MET: variants seen among roughly 807,000 people sequenced by gnomAD.
MET encodes the protein MET proto-oncogene, receptor tyrosine kinase.
A neutral mutation model predicts 133.1 loss-of-function variants in MET; 48 were observed. That is an observed-to-expected ratio of 0.36 (90% CI 0.29 to 0.46). MET has a LOEUF of 0.46. Among genes scored for constraint, MET ranks in the 20% least tolerant of loss-of-function variants. MET has a pLI of 1.00. For synonymous variants in MET, 628 were observed against 616.5 expected (o/e 1.02, Z -0.28); for missense variants, 1,442 against 1,695.9 (o/e 0.85, Z 2.63).
At position 116,672,204 on chromosome 7, in the gene MET, G is replaced by A. The variant is rs1795997093; in HGVS notation, c.-388G>A. Among the ~76,000 whole-genome samples, 1 of 151,940 alleles carries A rather than the reference G, an allele frequency of 6.6e-6. No individual in the cohort carries two copies. On this transcript the variant is annotated 5_prime_UTR_variant, in exon 1 of 21. Transcript: ENST00000397752. ...CAGCACGCGAGGCAGACAGACACGTGCTGGGGCGGGCAGGCGAGCGCCTCA... is the reference window on the plus strand; with the variant it reads ...CAGCACGCGAGGCAGACAGACACGTACTGGGGCGGGCAGGCGAGCGCCTCA...
chr7:116,698,978 C>T, intron 1 of MET, 93 bp from the exon 2 acceptor site: 1 of 1,568,968 alleles, frequency 6.4e-7, no homozygotes, highest in Non-Finnish European at 8.7e-7. Flanking sequence ...AGTTGGGAAG[C>T]TTTATTTCTG....
intron 2 of MET, among the ~76,000 whole-genome samples, chr7:116,716,506 A>C (rs993256566): frequency 1.3e-5 from 2 of 151,440 alleles, no homozygotes; most frequent in East Asian, 3.9e-4. Context: ...AGAAAGAAAG[A>C]AAGAAAGAAA....
intron 12 of MET, 106 bp from the exon 13 acceptor site, chr7:116,771,392 G>A (rs1794825734): frequency 1.6e-6 from 2 of 1,285,850 alleles, no homozygotes; most frequent in African/African-American, 1.5e-5. Flanking sequence ...GCCATTTGTA[G>A]AATGGTAATA....
At chr7:116,777,863 A>G (rs1385533983) in intron 16 of MET, among the ~76,000 whole-genome samples, 1 of 152,234 alleles carries the variant, frequency 6.6e-6, no homozygotes, top group African/African-American at 2.4e-5. Flanking sequence ...CACAACTTCC[A>G]TTAAAAAGAT....
intron 2 of MET, among the ~76,000 whole-genome samples, chr7:116,705,188 C>T (rs563055217): frequency 4.8e-4 from 73 of 152,110 alleles, no homozygotes; most frequent in African/African-American, 1.7e-3. Context: ...TGAGTAAAAT[C>T]GAGTTACATT....
Position 116,710,713 on chromosome 7 carries a change from A to C in MET, c.1200+10429A>C, listed in dbSNP as rs1476250568. 2.6e-5 allele frequency among the ~76,000 whole-genome samples: 4 copies of C among 151,978 alleles called. No homozygotes were observed. In the South Asian group the frequency reaches 6.2e-4, roughly 24 times the overall value. Reference sequence around the variant, plus strand: ...AGAAAGTTTTCTTATTAAAAAAAAAACCCTCCAAATTATTGTGAGATCTAG... The same window carrying C: ...AGAAAGTTTTCTTATTAAAAAAAAACCCCTCCAAATTATTGTGAGATCTAG... On this transcript the variant is annotated intron_variant, in intron 2 of 20. Transcript: ENST00000397752.
intron 2 of MET, among the ~76,000 whole-genome samples, chr7:116,719,320 G>A (rs1352212645): frequency 3.1e-4 from 47 of 149,836 alleles, no homozygotes; most frequent in Middle Eastern, 3.4e-3. Flanking sequence ...CATATCCTTC[G>A]CCCACTTTTT....
At position 116,740,076 on chromosome 7, in the gene MET, G is replaced by A. The variant is rs1793386405; in HGVS notation, c.1519G>A (p.Gly507Arg). The change falls in exon 4 of 21, where the codon GGG becomes AGG. Residue 507 changes from glycine (G) to arginine (R), a missense_variant. Physicochemically the swap from Gly to Arg is moderately radical, Grantham distance 125. Transcript: ENST00000397752. ...AAATGGCTACACACTGGTTATCACT[G>A]GGAAGAAGGTAAGCTGTTCCCACAG... ...NQNGYTLVIT[G>R]KKITKIPLNG... The A allele has an allele frequency of 6.2e-7, 1 of 1,614,084 alleles. No homozygotes were observed. Among genetic ancestry groups the A allele is most frequent in the Non-Finnish European group, 8.5e-7 (1 of 1,179,946 alleles).
chr7:116,724,738 T>G (rs1228137550), intron 2 of MET: 3 of 1,048,424 alleles, frequency 2.9e-6, no homozygotes, highest in East Asian at 6.0e-5. Context: ...GAAGAGAATT[T>G]CGAAATCAAT....
chr7:116,784,974 GA>G (rs1403177208), intron 19 of MET, among the ~76,000 whole-genome samples: 7 of 152,192 alleles, frequency 4.6e-5, no homozygotes. Context: ...TTCCAAACGG[GA>G]GAAATTGGCC....
Position 116,699,980 on chromosome 7 carries a change from T to G in MET, c.896T>G (p.Ile299Ser), listed in dbSNP as rs2116600503. The change falls in exon 2 of 21, where the codon ATT (isoleucine) becomes AGT (serine). Residue 299 changes from isoleucine (I) to serine (S), a missense_variant. This residue lies in a region of MET where 762 missense variants were observed against 792.4 expected (regional missense o/e 0.96). Coordinates refer to ENST00000397752, the MANE Select transcript of MET (RefSeq NM_000245.4). Reference sequence around the variant, plus strand: ...TACATGGAAATGCCTCTGGAGTGTATTCTCACAGAAAAGAGAAAAAAGAGA... The same window carrying G: ...TACATGGAAATGCCTCTGGAGTGTAGTCTCACAGAAAAGAGAAAAAAGAGA... ...HSYMEMPLECILTEKRKKRST... is the reference protein window; with the variant it reads ...HSYMEMPLECSLTEKRKKRST... 1 of 1,614,072 alleles carries G rather than the reference T, an allele frequency of 6.2e-7. No homozygotes were observed. Among genetic ancestry groups the G allele is most frequent in the Non-Finnish European group, 8.5e-7 (1 of 1,179,980 alleles).
intron 11 of MET, 141 bp from the exon 12 acceptor site, chr7:116,769,504 T>A: frequency 9.7e-7 from 1 of 1,030,938 alleles, no homozygotes; most frequent in Non-Finnish European, 1.4e-6. Flanking sequence ...CCAATTCCCA[T>A]GAAAATTAGT....
At chr7:116,761,225 T>A (rs918708751) in intron 10 of MET, among the ~76,000 whole-genome samples, 4 of 152,188 alleles carry the variant, frequency 2.6e-5, no homozygotes, top group Non-Finnish European at 4.4e-5. Context: ...TGGTAGACGA[T>A]AAAAATCTTA....
chr7:116,672,609 C>A (rs1796014548), intron 1 of MET, 32 bp downstream of exon 1: 2 of 379,914 alleles, frequency 5.3e-6, no homozygotes, highest in South Asian at 1.3e-4. Flanking sequence ...GATCCAGTAC[C>A]CAATCCCTCG....
chr7:116,715,625 G>A (rs1792160404), intron 2 of MET, among the ~76,000 whole-genome samples: 1 of 152,224 alleles, frequency 6.6e-6, no homozygotes, highest in South Asian at 2.1e-4. Flanking sequence ...TAAATGAAGT[G>A]ACCATTTAAT....
intron 2 of MET, among the ~76,000 whole-genome samples, chr7:116,721,129 G>T (rs1258869980): frequency 1.3e-5 from 2 of 152,124 alleles, no homozygotes; most frequent in Non-Finnish European, 2.9e-5. Context: ...ACTCTTTTTG[G>T]TTGGTAAACT....
intron 1 of MET, among the ~76,000 whole-genome samples, chr7:116,690,530 C>T (rs911289515): frequency 6.6e-6 from 1 of 152,206 alleles, no homozygotes; most frequent in African/African-American, 2.4e-5. Flanking sequence ...TGTTGGAAAC[C>T]ATTGTCAAGG....
intron 5 of MET, among the ~76,000 whole-genome samples, chr7:116,748,805 C>T (rs150744300): frequency 6.6e-6 from 1 of 152,240 alleles, no homozygotes; most frequent in Non-Finnish European, 1.5e-5. Flanking sequence ...ATACAAACTA[C>T]CATCAGAGAA....
At chr7:116,693,912 GAA>G (rs1245763439) in intron 1 of MET, among the ~76,000 whole-genome samples, 3 of 152,172 alleles carry the variant, frequency 2.0e-5, no homozygotes, top group African/African-American at 7.2e-5. Flanking sequence ...TGAATCCTTA[GAA>G]TAACTCTCAC....
Sources: gnomAD v4.1 joint callset for allele counts (sites outside exome capture counted in the v4.1 genomes callset) on GRCh38, gnomAD v4.1.1 for gene constraint, gnomAD v4.1.1 regional missense constraint, MANE v1.5 for transcripts, NCBI Gene and HGNC (gene_info 2026-07-23, HGNC 2026-07-21) for gene names.